The following CAGE1 variants were observed in gnomAD, a reference collection of about 807,000 sequenced individuals.
The protein encoded by CAGE1 is cancer antigen 1, also known as cancer-associated gene 1 protein.
In CAGE1, 66 loss-of-function variants were observed where a neutral mutation model predicts 94.9. The observed-to-expected ratio is 0.70, with a 90% CI of 0.57 to 0.85. The LOEUF (loss-of-function observed/expected upper bound fraction) is 0.85, where lower values mean the gene tolerates loss of function less well. Among genes scored for constraint, CAGE1 ranks in the 40% least tolerant of loss-of-function variants. The pLI, the probability that CAGE1 is intolerant of heterozygous loss-of-function variation, is 0.00. For missense variants in CAGE1, 865 were observed against 950.4 expected, an observed-to-expected ratio of 0.91 and a Z score of 1.18; for synonymous variants, 319 against 321.0, an observed-to-expected ratio of 0.99 and a Z score of 0.07.
chr6:7,354,717 T>G (rs1187965649), intron 11 of CAGE1, among the ~76,000 whole-genome samples: 3 of 152,226 alleles, frequency 2.0e-5, no homozygotes, highest in Non-Finnish European at 4.4e-5. Flanking sequence ...AATATCTTTT[T>G]GTGAGTAATT....
chr6:7,359,372 T>C (rs983541567), intron 9 of CAGE1, among the ~76,000 whole-genome samples: 1 of 152,194 alleles, frequency 6.6e-6, no homozygotes, highest in South Asian at 2.1e-4. Context: ...AGATGTTAAG[T>C]ATCTTTGCCA....
intron 5 of CAGE1, among the ~76,000 whole-genome samples, chr6:7,370,748 G>A (rs374745820): frequency 4.6e-5 from 7 of 152,132 alleles, no homozygotes; most frequent in Admixed American, 6.5e-5. Flanking sequence ...CATTCCATCA[G>A]CCATGAGAGC....
At chr6:7,372,064 T>A (rs1210284601) in intron 5 of CAGE1, among the ~76,000 whole-genome samples, 3 of 152,220 alleles carry the variant, frequency 2.0e-5, no homozygotes, top group Non-Finnish European at 4.4e-5. Flanking sequence ...TGTTCTTAAA[T>A]GTATAAAACT....
chr6:7,352,319 A>C (rs1488115176), intron 11 of CAGE1, among the ~76,000 whole-genome samples: 15 of 143,324 alleles, frequency 1.0e-4, no homozygotes, highest in Admixed American at 2.0e-4. Flanking sequence ...AAAAAAACAA[A>C]AAAAAAAAAC....
At chr6:7,353,681 GTTA>G (rs1044837266) in intron 11 of CAGE1, among the ~76,000 whole-genome samples, 5 of 144,446 alleles carry the variant, frequency 3.5e-5, no homozygotes, top group African/African-American at 1.3e-4. Context: ...TAAAGAAACT[GTTA>G]TTATATATAT....
intron 3 of CAGE1, among the ~76,000 whole-genome samples, chr6:7,384,297 T>C (rs1356590672): frequency 6.6e-6 from 1 of 152,230 alleles, no homozygotes; most frequent in Non-Finnish European, 1.5e-5. Flanking sequence ...CAGGATGGTC[T>C]CGATCTCCTG....
At chr6:7,344,287 G>A (rs1265705307) in intron 11 of CAGE1, among the ~76,000 whole-genome samples, 2 of 152,190 alleles carry the variant, frequency 1.3e-5, no homozygotes, top group Non-Finnish European at 2.9e-5. Context: ...GGGTAGGCGT[G>A]GGCTTGGCGG....
intron 4 of CAGE1, among the ~76,000 whole-genome samples, chr6:7,374,535 TC>T (rs1760668219): frequency 8.0e-6 from 1 of 124,980 alleles, no homozygotes; most frequent in African/African-American, 3.1e-5. Flanking sequence ...GCAAGTTCTC[TC>T]TCTTTTTTTT....
chr6:7,371,189 G>T (rs1760526867), intron 5 of CAGE1, among the ~76,000 whole-genome samples: 1 of 152,006 alleles, frequency 6.6e-6, no homozygotes, highest in African/African-American at 2.4e-5. Context: ...ACGTTCTCAG[G>T]CCCCACCCCA....
chr6:7,345,501 T>G (rs1561852323), intron 11 of CAGE1, among the ~76,000 whole-genome samples: 1 of 152,210 alleles, frequency 6.6e-6, no homozygotes, highest in Non-Finnish European at 1.5e-5. Context: ...ACATTATATT[T>G]CAGCAAGATC....
At chr6:7,331,342 T>C (rs2113341206) in intron 12 of CAGE1, 1 of 1,070,418 alleles carries the variant, frequency 9.3e-7, no homozygotes, top group Admixed American at 2.5e-5. Flanking sequence ...CCCGTAAGTC[T>C]GGACAAGGCA....
intron 11 of CAGE1, among the ~76,000 whole-genome samples, chr6:7,334,998 C>G (rs1325723423): frequency 6.6e-6 from 1 of 152,146 alleles, no homozygotes; most frequent in Admixed American, 6.5e-5. Flanking sequence ...CAGGGATGTC[C>G]ACCCTCTAGA....
intron 13 of CAGE1, among the ~76,000 whole-genome samples, chr6:7,328,872 A>AAG (rs1265445088): frequency 9.3e-6 from 1 of 107,872 alleles, no homozygotes; most frequent in East Asian, 2.9e-4. Context: ...TGTATCTTAT[A>AAG]AGTGTGTGTG....
At chr6:7,336,148 G>A (rs1758946478) in intron 11 of CAGE1, among the ~76,000 whole-genome samples, 1 of 152,186 alleles carries the variant, frequency 6.6e-6, no homozygotes, top group African/African-American at 2.4e-5. Context: ...AAAAGCCTGA[G>A]TCTATCATGC....
At chr6:7,348,625 C>T (rs1181411387) in intron 11 of CAGE1, among the ~76,000 whole-genome samples, 1 of 151,836 alleles carries the variant, frequency 6.6e-6, no homozygotes, top group African/African-American at 2.4e-5. Flanking sequence ...ATCAGGGAGG[C>T]ACCAGAGAAA....
intron 11 of CAGE1, among the ~76,000 whole-genome samples, chr6:7,343,376 C>T (rs563973168): frequency 3.3e-5 from 5 of 152,050 alleles, no homozygotes; most frequent in Non-Finnish European, 5.9e-5. Context: ...GGTATAAAAT[C>T]ACATGGATTT....
At chr6:7,344,208 A>C (rs1445968121) in intron 11 of CAGE1, among the ~76,000 whole-genome samples, 1 of 151,988 alleles carries the variant, frequency 6.6e-6, no homozygotes, top group Non-Finnish European at 1.5e-5. Context: ...GCTTGCAGGG[A>C]GGTGTAGAGG....
At position 7,385,774 on chromosome 6, in the gene CAGE1, T is replaced by C; in HGVS notation, c.283+11A>G. The C allele has an allele frequency of 6.7e-7, 1 of 1,491,644 alleles. No homozygotes were observed. The highest frequency in any genetic ancestry group is 9.0e-7 in the Non-Finnish European group (1 of 1,107,282). 92.4% of individuals were successfully genotyped at this position (1,491,644 alleles called of 1,614,324 possible). A position where few individuals can be genotyped will look rare whatever the true frequency, so the allele number is the denominator to read the frequency against. ...CTCTCTTTTGCATATTGCTAACAAG[T>C]AGATACTTACCATTTAACAAATTGT... On this transcript the variant is annotated intron_variant, in intron 3 of 13. Coordinates refer to ENST00000502583, the MANE Select transcript of CAGE1 (RefSeq NM_001170692.2).
chr6:7,337,325 GAAAAAAA>G (rs58144720), intron 11 of CAGE1, among the ~76,000 whole-genome samples: 1 of 81,610 alleles, frequency 1.2e-5, no homozygotes, highest in South Asian at 4.4e-4. Flanking sequence ...AGACTGTCTC[GAAAAAAA>G]AAAAAAAAAA....
Sources: gnomAD v4.1 joint callset for allele counts (sites outside exome capture counted in the v4.1 genomes callset) on GRCh38, gnomAD v4.1.1 for gene constraint, MANE v1.5 for transcripts, NCBI Gene and HGNC (gene_info 2026-07-23, HGNC 2026-07-21) for gene names.